SCN1A: variants seen among roughly 807,000 people sequenced by gnomAD.
SCN1A encodes the protein sodium channel protein type 1 subunit alpha.
In SCN1A, 13 loss-of-function variants were observed where a neutral mutation model predicts 193.7. The ratio of observed to expected loss-of-function variants is 0.07; its 90% CI spans 0.04 to 0.11. SCN1A has a LOEUF of 0.11. Among genes scored for constraint, SCN1A ranks in the 10% least tolerant of loss-of-function variants. The pLI, the probability that SCN1A is intolerant of heterozygous loss-of-function variation, is 1.00. For missense variants in SCN1A, 1,432 were observed against 2,451.1 expected (o/e 0.58, Z 8.78); for synonymous variants, 781 against 843.6 (o/e 0.93, Z 1.29).
chr2:166,088,964 T>A (rs1032987570), intron 2 of SCN1A, among the ~76,000 whole-genome samples: 1 of 152,198 alleles, frequency 6.6e-6, no homozygotes, highest in Non-Finnish European at 1.5e-5. Context: ...GCCACACAGT[T>A]AAATTTGAAT....
chr2:166,027,122 C>T (rs508585), intron 19 of SCN1A: 34,778 of 152,026 alleles, frequency 0.23, 4,598 homozygotes, highest in Middle Eastern at 0.41. Context: ...GGCAGGCTGA[C>T]TTAATATGTG....
chr2:166,109,255 TA>T (rs1251785173), intron 2 of SCN1A, among the ~76,000 whole-genome samples: 2 of 152,188 alleles, frequency 1.3e-5, no homozygotes, highest in Non-Finnish European at 2.9e-5. Context: ...CTACTCTGAC[TA>T]ACTAGGTACA....
chr2:166,062,757 T>TAATATAATCAATTAA (rs1451672369), intron 4 of SCN1A, among the ~76,000 whole-genome samples: 16 of 152,296 alleles, frequency 1.1e-4, no homozygotes, highest in African/African-American at 3.8e-4. Context: ...TAATCAAGAT[T>TAATATAATCAATTAA]TATGAACTAT....
At chr2:166,027,157 T>A (rs1224897413) in intron 19 of SCN1A, 1 of 152,206 alleles carries the variant, frequency 6.6e-6, no homozygotes, top group Non-Finnish European at 1.5e-5. Context: ...AGAGACCACG[T>A]TGTATATGAA....
chr2:166,131,702 T>G (rs1197631050), upstream of SCN1A, among the ~76,000 whole-genome samples: 2 of 152,234 alleles, frequency 1.3e-5, no homozygotes, highest in African/African-American at 2.4e-5. Context: ...TATTCTTTAA[T>G]ATTTTCTTGC....
At chr2:166,118,923 G>A (rs1006800213) in intron 2 of SCN1A, among the ~76,000 whole-genome samples, 1 of 152,126 alleles carries the variant, frequency 6.6e-6, no homozygotes, top group African/African-American at 2.4e-5. Context: ...TTGGCACCAG[G>A]GACTGGTTTT....
intron 14 of SCN1A, 144 bp downstream of exon 14, chr2:166,043,521 GGTTA>G: frequency 2.4e-6 from 2 of 835,340 alleles, no homozygotes; most frequent in Non-Finnish European, 3.6e-6. Flanking sequence ...AGTTTTAGTT[GGTTA>G]GTCTATTAAA....
At chr2:166,050,797 C>T (rs1698470261) in intron 9 of SCN1A, among the ~76,000 whole-genome samples, 1 of 150,366 alleles carries the variant, frequency 6.7e-6, no homozygotes, top group African/African-American at 2.4e-5. Context: ...CTATTACTGT[C>T]TCCTGAAGCT....
rs368628655 is a variant in SCN1A, at chr2:166,046,996, A to C, written c.1171-20T>G. On this transcript the variant is annotated intron_variant, in intron 11 of 28. Coordinates refer to ENST00000674923, the MANE Select transcript of SCN1A (RefSeq NM_001165963.4). ...TAATGTCTGCAAACAAAAATATCAG[A>C]ATTATTTCTCAATATTATTTCACTA... 1 of 1,611,298 alleles carries C rather than the reference A, an allele frequency of 6.2e-7. No homozygotes were observed. Among genetic ancestry groups the C allele is most frequent in the Middle Eastern group, 1.7e-4 (1 of 6,054 alleles).
At chr2:166,066,367 G>A (rs536282696) in intron 4 of SCN1A, among the ~76,000 whole-genome samples, 23 of 152,258 alleles carry the variant, frequency 1.5e-4, no homozygotes, top group Middle Eastern at 3.4e-3. Flanking sequence ...CTTGCTGTGT[G>A]AGAACTATGA....
At chr2:166,133,940 G>A (rs1230467129) in intron 1 of SCN1A, 1 of 151,888 alleles carries the variant, frequency 6.6e-6, no homozygotes. Flanking sequence ...TTTTGTCATT[G>A]TTCCCCAAAC....
upstream of SCN1A, among the ~76,000 whole-genome samples, chr2:166,132,094 G>T (rs1691682826): frequency 6.6e-6 from 1 of 152,186 alleles, no homozygotes; most frequent in African/African-American, 2.4e-5. Context: ...GTACCTTGAG[G>T]TGGTATCCCA....
intron 16 of SCN1A, among the ~76,000 whole-genome samples, chr2:166,039,823 G>A (rs540736528): frequency 6.0e-5 from 9 of 151,240 alleles, no homozygotes; most frequent in African/African-American, 1.7e-4. Flanking sequence ...TACAGATAAG[G>A]AAACTGAGGT....
chr2:166,013,853 C>T lies in SCN1A; in HGVS notation c.3596G>A (p.Gly1199Asp). 5 of 1,612,300 alleles carry T rather than the reference C, an allele frequency of 3.1e-6. No homozygotes were observed. Among genetic ancestry groups the T allele is most frequent in the Non-Finnish European group, 4.2e-6 (5 of 1,178,692 alleles). The part of the protein sequence containing the change: ...FKCCQINVEE[G>D]RGKQWWNLRR... ...CAGGTTCCACCATTGTTTTCCTCTG[C>T]CTTCTTCCACATTGATTTGACAACA... is the stretch of plus-strand genomic sequence containing the variant. Residue 1199 changes from glycine (G) to aspartate (D), a missense_variant, in exon 21 of 29, where the codon GGC becomes GAC. Transcript: ENST00000674923.
At chr2:166,015,794 G>A in intron 19 of SCN1A, 67 bp from the exon 20 acceptor site, 1 of 1,559,114 alleles carries the variant, frequency 6.4e-7, no homozygotes, top group Non-Finnish European at 8.8e-7. Context: ...TGCCAAGAAA[G>A]GATTATTACT....
chr2:166,138,884 G>A (rs1691969621), intron 1 of SCN1A, among the ~76,000 whole-genome samples: 1 of 152,168 alleles, frequency 6.6e-6, no homozygotes, highest in East Asian at 1.9e-4. Context: ...AAAGCAACAG[G>A]TGTGGAGCTT....
At chr2:166,036,675 A>AAGATGGGT in intron 18 of SCN1A, 145 bp from the exon 19 acceptor site, 1 of 746,768 alleles carries the variant, frequency 1.3e-6, no homozygotes, top group Non-Finnish European at 2.1e-6. Context: ...TAGTGATTAG[A>AAGATGGGT]AGATGGGTGA....
At position 165,991,354 on chromosome 2, in the gene SCN1A, T is replaced by C; in HGVS notation, c.5921A>G (p.Asp1974Gly). 6.2e-7 allele frequency: 1 copy of C among 1,613,332 alleles called. No homozygotes were observed. The highest frequency in any genetic ancestry group is 8.5e-7 in the Non-Finnish European group (1 of 1,179,762). Residue 1974 changes from aspartate to glycine, a missense_variant, in exon 29 of 29, where the codon GAT (aspartate) becomes GGT (glycine). Asp to Gly is a moderately conservative substitution (Grantham distance 94). Around this residue, in one of 18 missense-constraint regions of SCN1A, gnomAD observed 148 missense variants for 160.3 expected, o/e 0.92. Coordinates refer to ENST00000674923, the MANE Select transcript of SCN1A (RefSeq NM_001165963.4). ...INENSITEKT[D>G]LTMSTAACPP... ...ACAAGCTGCAGTGGACATGGTCAGA[T>C]CAGTTTTTTCTGTAATAGAGTTTTC...
Position 166,043,946 on chromosome 2 carries a change from T to C in SCN1A, c.1766A>G (p.Asp589Gly), listed in dbSNP as rs398123584. The change falls in exon 14 of 29, where the codon GAC becomes GGC. Residue 589 changes from aspartate to glycine, a missense_variant. Asp to Gly is a moderately conservative substitution (Grantham distance 94). Coordinates refer to ENST00000674923, the MANE Select transcript of SCN1A (RefSeq NM_001165963.4). ...GRAKDVGSEN[D>G]FADDEHSTFE... ...GGTGCTGTGCTCATCATCTGCGAAGTCGTTCTCAGATCCCACATCCTTTGC... is the reference window on the plus strand; with the variant it reads ...GGTGCTGTGCTCATCATCTGCGAAGCCGTTCTCAGATCCCACATCCTTTGC... The C allele has an allele frequency of 6.2e-7, 1 of 1,614,146 alleles. No homozygotes were observed. The highest frequency in any genetic ancestry group is 1.7e-5 in the Admixed American group (1 of 60,006).
Sources: gnomAD v4.1 joint callset for allele counts (sites outside exome capture counted in the v4.1 genomes callset) on GRCh38, gnomAD v4.1.1 for gene constraint, gnomAD v4.1.1 regional missense constraint, MANE v1.5 for transcripts, NCBI Gene and HGNC (gene_info 2026-07-23, HGNC 2026-07-21) for gene names.